Variants in OTULINL observed in about 807,000 individuals in gnomAD.
OTULINL encodes the protein inactive ubiquitin thioesterase OTULINL.
In OTULINL, 42 loss-of-function variants were observed where a neutral mutation model predicts 43.9. The observed-to-expected ratio is 0.96, with a 90% CI of 0.75 to 1.24. OTULINL has a LOEUF of 1.24. Ranked by LOEUF, OTULINL falls within the 50% of genes most tolerant of loss-of-function variation. OTULINL has a pLI of 0.00. For missense variants in OTULINL, 411 were observed against 426.4 expected (o/e 0.96, Z 0.32); for synonymous variants, 172 against 153.6 (o/e 1.12, Z -0.88).
In OTULINL at chr5:14,613,736, A is replaced by G. The variant is rs1312229816; in HGVS notation, c.*3422A>G. Among the ~76,000 whole-genome samples, 1 of 152,218 alleles carries G rather than the reference A, an allele frequency of 6.6e-6. No homozygotes were observed. The highest frequency in any genetic ancestry group is 1.5e-5 in the Non-Finnish European group (1 of 68,040). Reference sequence around the variant, plus strand: ...TTTCCACCCAAGGGAGAGTCAGGTGAAAGTCCCCAGGGCCCTCTCTAGGGG... The same window carrying G: ...TTTCCACCCAAGGGAGAGTCAGGTGGAAGTCCCCAGGGCCCTCTCTAGGGG... On this transcript the variant is annotated 3_prime_UTR_variant, in exon 8 of 8. Transcript: ENST00000274217.
At chr5:14,602,143 A>G in intron 4 of OTULINL, 40 bp from the exon 5 acceptor site, 2 of 1,498,174 alleles carry the variant, frequency 1.3e-6, no homozygotes, top group South Asian at 1.3e-5. Context: ...TTTCTTGTCC[A>G]GTGGAATTAA....
At chr5:14,604,744 C>CT (rs764130101) in intron 5 of OTULINL, among the ~76,000 whole-genome samples, 2 of 152,344 alleles carry the variant, frequency 1.3e-5, no homozygotes, top group South Asian at 2.1e-4. Context: ...GCAGTCAAAT[C>CT]TTAAAGCTCC....
intron 5 of OTULINL, among the ~76,000 whole-genome samples, chr5:14,603,035 T>C (rs1056713371): frequency 6.6e-6 from 1 of 152,232 alleles, no homozygotes; most frequent in Non-Finnish European, 1.5e-5. Flanking sequence ...TTTCTGTCCC[T>C]ATAGTTTTGC....
At chr5:14,592,683 A>G (rs1759224700) in intron 1 of OTULINL, among the ~76,000 whole-genome samples, 1 of 152,226 alleles carries the variant, frequency 6.6e-6, no homozygotes, top group Non-Finnish European at 1.5e-5. Context: ...AGCATTCTGC[A>G]ATCCCATGAA....
chr5:14,613,453 A>AGTACAACCTAAGAGGGAGTTAG lies in OTULINL; in HGVS notation c.*3150_*3171dup, dbSNP rs1406647646. Among the ~76,000 whole-genome samples the AGTACAACCTAAGAGGGAGTTAG allele has an allele frequency of 6.6e-6, 1 of 152,200 alleles. No individual in the cohort carries two copies. Among genetic ancestry groups the AGTACAACCTAAGAGGGAGTTAG allele is most frequent in the Non-Finnish European group, 1.5e-5 (1 of 68,028 alleles). ...GGGCTTAAAAGAGCCTCAGTGGAGA[A>AGTACAACCTAAGAGGGAGTTAG]GTACAACCTAAGAGGGAGTTAGGTA... is the stretch of plus-strand genomic sequence containing the variant. On this transcript the variant is annotated 3_prime_UTR_variant, in exon 8 of 8. Transcript: ENST00000274217.
rs1263975846 is a variant in OTULINL at position 14,612,741 on chromosome 5, T to G, written c.*2427T>G. The G allele has an allele frequency of 6.6e-6, 1 of 152,150 alleles. No individual in the cohort carries two copies. The highest frequency in any genetic ancestry group is 1.5e-5 in the Non-Finnish European group (1 of 68,020). The allele number at this position is 152,150 out of a possible 1,614,324, so 9.4% of individuals were successfully genotyped here. A position where few individuals can be genotyped will look rare whatever the true frequency, so the allele number is the denominator to read the frequency against. ...TTAAATGTCTTTCTAACCGTATATGTTTTAAATGGTGAGAGAACTATAGCA... is the reference window on the plus strand; with the variant it reads ...TTAAATGTCTTTCTAACCGTATATGGTTTAAATGGTGAGAGAACTATAGCA... On this transcript the variant is annotated 3_prime_UTR_variant, in exon 8 of 8. Coordinates refer to ENST00000274217, the MANE Select transcript of OTULINL (RefSeq NM_019018.3).
At chr5:14,595,636 G>T in intron 1 of OTULINL, among the ~76,000 whole-genome samples, 1 of 132,580 alleles carries the variant, frequency 7.5e-6, no homozygotes, top group African/African-American at 2.9e-5. Flanking sequence ...CACCAAAAAC[G>T]GTGCTTTTTT....
Position 14,613,881 on chromosome 5 carries a change from G to A in OTULINL, c.*3567G>A, listed in dbSNP as rs1759624341. 6.6e-6 allele frequency among the ~76,000 whole-genome samples: 1 copy of A among 152,150 alleles called. No individual in the cohort carries two copies. Among genetic ancestry groups the A allele is most frequent in the African/African-American group, 2.4e-5 (1 of 41,416 alleles). On this transcript the variant is annotated 3_prime_UTR_variant, in exon 8 of 8. Coordinates refer to ENST00000274217, the MANE Select transcript of OTULINL (RefSeq NM_019018.3). The stretch of plus-strand genomic sequence containing the variant: ...AGGACTTTTCTGCAAATGGGTATTG[G>A]ATGGAAATATTTGTTCTCAGTCAGA...
chr5:14,601,466 G>T, intron 4 of OTULINL, 24 bp downstream of exon 4: 1 of 1,578,678 alleles, frequency 6.3e-7, no homozygotes, highest in South Asian at 1.1e-5. Flanking sequence ...TAGAGGGTAT[G>T]GGAGAAATAG....
At chr5:14,582,112 GC>G (rs1257767796) in intron 1 of OTULINL, among the ~76,000 whole-genome samples, 154 bp downstream of exon 1, 1 of 151,738 alleles carries the variant, frequency 6.6e-6, no homozygotes, top group Non-Finnish European at 1.5e-5. Context: ...GCTGGAGCGC[GC>G]CCCTGAGCCG....
In OTULINL at chr5:14,615,501, T is replaced by C. The variant is rs550119876; in HGVS notation, c.*5187T>C. 6.6e-6 allele frequency among the ~76,000 whole-genome samples: 1 copy of C among 152,306 alleles called. No individual in the cohort carries two copies. The highest frequency in any genetic ancestry group is 2.4e-5 in the African/African-American group (1 of 41,554). On this transcript the variant is annotated 3_prime_UTR_variant, in exon 8 of 8. Coordinates refer to ENST00000274217, the MANE Select transcript of OTULINL (RefSeq NM_019018.3). ...AAGCTGCTTGGGTGTGGTGGAAGTT[T>C]CAGTGTAATGTGATTCCTAGTAGGC...
At chr5:14,592,354 C>G (rs574320939) in intron 1 of OTULINL, among the ~76,000 whole-genome samples, 5 of 152,252 alleles carry the variant, frequency 3.3e-5, no homozygotes, top group African/African-American at 1.2e-4. Context: ...GATAGAACTT[C>G]GAAGAGAATT....
chr5:14,610,022 G>A, intron 7 of OTULINL, 119 bp from the exon 8 acceptor site: 1 of 778,302 alleles, frequency 1.3e-6, no homozygotes, highest in Non-Finnish European at 2.1e-6. Context: ...TGGTGTATGG[G>A]TGGGTCTGTC....
intron 6 of OTULINL, among the ~76,000 whole-genome samples, chr5:14,607,939 G>A (rs745789751): frequency 2.1e-4 from 32 of 152,076 alleles, no homozygotes; most frequent in Non-Finnish European, 4.1e-4. Context: ...AACCTTTCTG[G>A]TCCATAGTTT....
rs1384216965 is a variant in OTULINL at position 14,614,208 on chromosome 5, T to TAC, written c.*3895_*3896insCA. On this transcript the variant is annotated 3_prime_UTR_variant, in exon 8 of 8. Coordinates refer to ENST00000274217, the MANE Select transcript of OTULINL (RefSeq NM_019018.3). ...TGTGTAAAACAGAAAAAAGTATATA[T>TAC]ATATCATATGTCTTTTCATGCATCT... Among the ~76,000 whole-genome samples the TAC allele has an allele frequency of 6.6e-6, 1 of 151,614 alleles. No individual in the cohort carries two copies. The highest frequency in any genetic ancestry group is 1.5e-5 in the Non-Finnish European group (1 of 67,906).
At chr5:14,609,082 G>C (rs1377975031) in intron 7 of OTULINL, 65 bp downstream of exon 7, 2 of 1,516,170 alleles carry the variant, frequency 1.3e-6, no homozygotes, top group East Asian at 4.5e-5. Flanking sequence ...TGAACACAGA[G>C]GTGTCTGGGG....
At chr5:14,598,554 T>A (rs1231283622) in intron 1 of OTULINL, among the ~76,000 whole-genome samples, 1 of 152,198 alleles carries the variant, frequency 6.6e-6, no homozygotes, top group Non-Finnish European at 1.5e-5. Context: ...CAGCATTGTT[T>A]GTAAAAGTGA....
chr5:14,590,040 C>T (rs1185802318), intron 1 of OTULINL, among the ~76,000 whole-genome samples: 3 of 152,206 alleles, frequency 2.0e-5, no homozygotes, highest in Admixed American at 1.3e-4. Context: ...TAACCGCTTA[C>T]TTTGGCCAAA....
rs557389825 is a variant in OTULINL, at chr5:14,614,010, C to T, written c.*3696C>T. On this transcript the variant is annotated 3_prime_UTR_variant, in exon 8 of 8. Transcript: ENST00000274217. The stretch of plus-strand genomic sequence containing the variant: ...AATGTTGGAATTCCACATCAAAGTA[C>T]GTAACTGTTTTAAACTGATAACTAA... 5.3e-5 allele frequency among the ~76,000 whole-genome samples: 8 copies of T among 152,228 alleles called. No individual in the cohort carries two copies. The highest frequency in any genetic ancestry group is 1.9e-4 in the East Asian group (1 of 5,184).
Sources: gnomAD v4.1 joint callset for allele counts (sites outside exome capture counted in the v4.1 genomes callset) on GRCh38, gnomAD v4.1.1 for gene constraint, MANE v1.5 for transcripts, NCBI Gene and HGNC (gene_info 2026-07-23, HGNC 2026-07-21) for gene names.